The following CUEDC1 variants were observed in gnomAD, a reference collection of about 807,000 sequenced individuals.
CUEDC1 encodes CUE domain containing 1, also known as CUE domain-containing protein 1.
Under a neutral mutation model 43.7 loss-of-function variants are expected in CUEDC1, and 30 were observed. The ratio of observed to expected loss-of-function variants is 0.69; its 90% confidence interval spans 0.51 to 0.93. The LOEUF is 0.93. CUEDC1 is among the 40% of genes least tolerant of loss of function. CUEDC1 has a pLI of 0.00. For synonymous variants in CUEDC1, 223 were observed against 223.6 expected, an observed-to-expected ratio of 1.00 and a Z score of 0.02; for missense variants, 486 against 549.0, an observed-to-expected ratio of 0.89 and a Z score of 1.15.
chr17:57,928,373 C>T (rs1185915236), intron 1 of CUEDC1, among the ~76,000 whole-genome samples: 3 of 151,898 alleles, frequency 2.0e-5, no homozygotes, highest in Non-Finnish European at 2.9e-5. Context: ...CACGGTGAAA[C>T]CCCATCTCTA....
intron 1 of CUEDC1, among the ~76,000 whole-genome samples, chr17:57,949,730 G>A (rs1445332271): frequency 2.6e-5 from 4 of 151,774 alleles, no homozygotes; most frequent in South Asian, 2.1e-4. Flanking sequence ...ATGCCACCAC[G>A]CCTAGCTAAT....
At chr17:57,879,446 G>T (rs565554915) in intron 3 of CUEDC1, among the ~76,000 whole-genome samples, 165 bp downstream of exon 3, 1 of 152,240 alleles carries the variant, frequency 6.6e-6, no homozygotes, top group Non-Finnish European at 1.5e-5. Flanking sequence ...CTTACATTTT[G>T]CAAGTTCTCC....
chr17:57,879,056 T>G (rs570906439), intron 3 of CUEDC1, among the ~76,000 whole-genome samples: 3 of 152,338 alleles, frequency 2.0e-5, no homozygotes, highest in Admixed American at 2.0e-4. Flanking sequence ...CCTCCAGTTA[T>G]CAAACTACCT....
chr17:57,951,195 G>T (rs753174819), intron 1 of CUEDC1, among the ~76,000 whole-genome samples: 4 of 150,856 alleles, frequency 2.7e-5, no homozygotes, highest in Non-Finnish European at 4.4e-5. Flanking sequence ...TTTGTGTACC[G>T]CTGTGCAGAA....
intron 1 of CUEDC1, among the ~76,000 whole-genome samples, chr17:57,940,691 G>T (rs1318709122): frequency 6.6e-6 from 1 of 152,220 alleles, no homozygotes; most frequent in Non-Finnish European, 1.5e-5. Flanking sequence ...CCCTTCAGCA[G>T]GATGCTGCAT....
Position 57,908,125 on chromosome 17 carries a change from C to T in CUEDC1, c.-315-22246G>A, listed in dbSNP as rs187374464. On this transcript the variant is annotated intron_variant, in intron 1 of 10. Coordinates refer to ENST00000577830, the MANE Select transcript of CUEDC1 (RefSeq NM_001271875.2). ...AGGCTGGAGTGCAGTGGCATGATCT[C>T]GGCTCACTGCAATCTCCACCTCCCA... is the stretch of plus-strand genomic sequence containing the variant. Among the ~76,000 whole-genome samples, 44 of 152,168 alleles carry T rather than the reference C, an allele frequency of 2.9e-4. 1 individual carries two copies. The East Asian group carries it at 7.4e-3, about 26-fold the overall frequency.
At chr17:57,913,984 CCTCT>C (rs890469291) in intron 1 of CUEDC1, among the ~76,000 whole-genome samples, 1 of 152,158 alleles carries the variant, frequency 6.6e-6, no homozygotes, top group African/African-American at 2.4e-5. Flanking sequence ...CCTATTGAAC[CCTCT>C]CTCTCCTCCA....
intron 2 of CUEDC1, 53 bp downstream of exon 2, chr17:57,885,176 G>T: frequency 6.7e-7 from 1 of 1,495,126 alleles, no homozygotes; most frequent in Non-Finnish European, 8.9e-7. Context: ...CCCTACCTCC[G>T]GGGGGATGCT....
At position 57,942,485 on chromosome 17, in the gene CUEDC1, T is replaced by G. The variant is rs1395359867; in HGVS notation, c.-316+12740A>C. On this transcript the variant is annotated intron_variant, in intron 1 of 10. Coordinates refer to ENST00000577830, the MANE Select transcript of CUEDC1 (RefSeq NM_001271875.2). ...CTCACTGCAACCTCCGCCTCCTGGG[T>G]TCAAGTGATTCTCCTGCCTCAGCCT... Among the ~76,000 whole-genome samples, 4 of 151,854 alleles carry G rather than the reference T, an allele frequency of 2.6e-5. No homozygotes were observed. The South Asian group carries it at 6.2e-4, about 24-fold the overall frequency.
chr17:57,872,559 TG>T, intron 5 of CUEDC1, 103 bp downstream of exon 5: 1 of 1,289,308 alleles, frequency 7.8e-7, no homozygotes, highest in Non-Finnish European at 1.1e-6. Flanking sequence ...AGAAAGCACC[TG>T]GCCCCCTCAG....
chr17:57,912,127 C>G (rs1451261939), intron 1 of CUEDC1, among the ~76,000 whole-genome samples: 1 of 152,222 alleles, frequency 6.6e-6, no homozygotes, highest in Non-Finnish European at 1.5e-5. Flanking sequence ...CCAACGCCCC[C>G]ACCCCTGGCC....
At chr17:57,931,073 G>A (rs767334875) in intron 1 of CUEDC1, among the ~76,000 whole-genome samples, 3 of 152,100 alleles carry the variant, frequency 2.0e-5, no homozygotes, top group East Asian at 3.9e-4. Context: ...CAGATTACTC[G>A]AGCTCAGGAG....
At chr17:57,892,884 C>T (rs1003631459) in intron 1 of CUEDC1, among the ~76,000 whole-genome samples, 3 of 152,256 alleles carry the variant, frequency 2.0e-5, no homozygotes, top group Admixed American at 2.0e-4. Flanking sequence ...TTCTAGCCCT[C>T]ATCCTTGGCA....
chr17:57,905,136 C>G (rs778606715), intron 1 of CUEDC1, among the ~76,000 whole-genome samples: 1 of 151,996 alleles, frequency 6.6e-6, no homozygotes, highest in African/African-American at 2.4e-5. Flanking sequence ...CCTTCCTGAG[C>G]GAATGAGGGG....
chr17:57,868,265 A>G (rs1451659233), intron 7 of CUEDC1, 22 bp from the exon 8 acceptor site: 2 of 1,606,148 alleles, frequency 1.2e-6, no homozygotes, highest in Non-Finnish European at 1.7e-6. Context: ...GAGACCTGTG[A>G]GTCATTCTCT....
At chr17:57,938,464 C>T (rs1202297411) in intron 1 of CUEDC1, among the ~76,000 whole-genome samples, 1 of 152,040 alleles carries the variant, frequency 6.6e-6, no homozygotes, top group Non-Finnish European at 1.5e-5. Flanking sequence ...TAATCCTTCC[C>T]ATGCCCCTTT....
chr17:57,882,930 T>C (rs1013730001), intron 2 of CUEDC1, among the ~76,000 whole-genome samples: 1 of 152,186 alleles, frequency 6.6e-6, no homozygotes, highest in Non-Finnish European at 1.5e-5. Flanking sequence ...AGTCAATTTC[T>C]GGGAAAATCA....
intron 1 of CUEDC1, among the ~76,000 whole-genome samples, chr17:57,918,126 G>A (rs528209582): frequency 6.6e-5 from 10 of 152,350 alleles, no homozygotes; most frequent in Admixed American, 5.2e-4. Context: ...GCTCTGTAAT[G>A]TCCACAGAGC....
chr17:57,899,344 C>T lies in CUEDC1; in HGVS notation c.-315-13465G>A, dbSNP rs146704014. Among the ~76,000 whole-genome samples the T allele has an allele frequency of 4.1e-3, 630 of 152,320 alleles. 7 individuals carry two copies. The highest frequency in any genetic ancestry group is 6.7e-3 in the Non-Finnish European group (456 of 68,026). ...AGCGATCCCCTTGCACAGTCAGGGG[C>T]GCCCAGAGCCCAGCTGCCCAGGTCC... On this transcript the variant is annotated intron_variant, in intron 1 of 10. Transcript: ENST00000577830.
Sources: gnomAD v4.1 joint callset for allele counts (sites outside exome capture counted in the v4.1 genomes callset) on GRCh38, gnomAD v4.1.1 for gene constraint, MANE v1.5 for transcripts, NCBI Gene and HGNC (gene_info 2026-07-23, HGNC 2026-07-21) for gene names.